Variants in TBC1D2B observed in about 807,000 individuals in gnomAD.
TBC1D2B encodes the protein TBC1 domain family member 2B, also known as TBC1 domain family, member 2B.
TBC1D2B carries 64 observed loss-of-function variants against 100.8 expected under a neutral mutation model. That is an observed-to-expected ratio of 0.64 (90% CI 0.52 to 0.78). The LOEUF (loss-of-function observed/expected upper bound fraction) is 0.78, where lower values mean the gene tolerates loss of function less well. Ranked by LOEUF, TBC1D2B falls within the 30% of genes least tolerant of loss-of-function variation. The probability of loss-of-function intolerance (pLI) is 0.00; values close to 1 mark genes in which losing one functional copy is unlikely to be tolerated. For missense variants in TBC1D2B, 1,052 were observed against 1,218.4 expected (o/e 0.86, Z 2.03); for synonymous variants, 480 against 479.7 (o/e 1.00, Z -0.01).
chr15:78,025,697 T>C, intron 4 of TBC1D2B, 200 bp from the exon 5 acceptor site: 1 of 350,912 alleles, frequency 2.8e-6, no homozygotes, highest in Non-Finnish European at 5.2e-6. Context: ...TGGCTAATTT[T>C]TTGTATTTTC....
intron 3 of TBC1D2B, among the ~76,000 whole-genome samples, chr15:78,040,136 C>T (rs879850616): frequency 6.6e-6 from 1 of 152,108 alleles, no homozygotes; most frequent in Non-Finnish European, 1.5e-5. Flanking sequence ...CTCAGGCATG[C>T]GCTTTCTCAC....
At chr15:78,059,095 A>T (rs910593588) in intron 1 of TBC1D2B, among the ~76,000 whole-genome samples, 2 of 152,118 alleles carry the variant, frequency 1.3e-5, no homozygotes, top group Non-Finnish European at 2.9e-5. Flanking sequence ...TGCAAAGGCC[A>T]CCTCTTCAGA....
chr15:78,036,314 A>G (rs2141737977), intron 3 of TBC1D2B, among the ~76,000 whole-genome samples: 2 of 152,340 alleles, frequency 1.3e-5, no homozygotes, highest in Middle Eastern at 3.4e-3. Context: ...CAAATGGGGA[A>G]GCTGTCAGGT....
chr15:78,037,305 C>G (rs2072967122), intron 3 of TBC1D2B, among the ~76,000 whole-genome samples: 1 of 152,170 alleles, frequency 6.6e-6, no homozygotes. Flanking sequence ...GCATGGGTGT[C>G]CTTGCACTTG....
intron 2 of TBC1D2B, among the ~76,000 whole-genome samples, chr15:78,046,321 G>A (rs780789753): frequency 5.3e-5 from 8 of 152,126 alleles, no homozygotes; most frequent in Admixed American, 2.6e-4. Context: ...ATCCCATGCC[G>A]AATGGCATAA....
chr15:78,061,113 A>T (rs929917131), intron 1 of TBC1D2B, among the ~76,000 whole-genome samples: 1 of 150,876 alleles, frequency 6.6e-6, no homozygotes, highest in African/African-American at 2.4e-5. Flanking sequence ...GTGTGGTGGC[A>T]CACTCCTGTA....
intron 8 of TBC1D2B, 61 bp from the exon 9 acceptor site, chr15:78,013,378 C>A: frequency 6.9e-7 from 1 of 1,448,602 alleles, no homozygotes; most frequent in Non-Finnish European, 9.2e-7. Context: ...AAGACCAATG[C>A]AACAGAAATA....
intron 1 of TBC1D2B, among the ~76,000 whole-genome samples, chr15:78,075,215 T>G (rs2073810008): frequency 6.6e-6 from 1 of 152,236 alleles, no homozygotes; most frequent in African/African-American, 2.4e-5. Flanking sequence ...TTTAATTTTT[T>G]TTGAGATGGA....
intron 3 of TBC1D2B, among the ~76,000 whole-genome samples, chr15:78,038,303 C>T (rs1453140296): frequency 1.3e-5 from 2 of 152,148 alleles, no homozygotes; most frequent in Admixed American, 1.3e-4. Flanking sequence ...ACAGAAACTA[C>T]AGGGCTATGA....
intron 1 of TBC1D2B, among the ~76,000 whole-genome samples, chr15:78,075,230 C>T (rs1402574298): frequency 6.6e-6 from 1 of 151,758 alleles, no homozygotes; most frequent in Non-Finnish European, 1.5e-5. Context: ...GATGGAGTCT[C>T]ACTCTGTCAC....
At position 78,064,836 on chromosome 15, in the gene TBC1D2B, T is replaced by C. The variant is rs375284356; in HGVS notation, c.361-10649A>G. 1.9e-3 allele frequency among the ~76,000 whole-genome samples: 292 copies of C among 152,204 alleles called. 13 individuals carry two copies. In the South Asian group the frequency reaches 0.057, roughly 30 times the overall value. On this transcript the variant is annotated intron_variant, in intron 1 of 12. Coordinates refer to ENST00000300584, the MANE Select transcript of TBC1D2B (RefSeq NM_144572.2). Reference sequence around the variant, plus strand: ...CAGCAACAGAGACTAAGAAGGCAAATACTGGATCTCCTGGCTCCTTGGAAA... The same window carrying C: ...CAGCAACAGAGACTAAGAAGGCAAACACTGGATCTCCTGGCTCCTTGGAAA...
rs773080972 is a variant in TBC1D2B, at chr15:78,012,950, G to A, written c.2143C>T (p.Leu715=). Residue 715 remains leucine, a synonymous_variant, in exon 9 of 13, where the codon CTG becomes TTG. Coordinates refer to ENST00000300584, the MANE Select transcript of TBC1D2B (RefSeq NM_144572.2). ...TGTTTGTTGTTGGGCAGAGTTCGCAGCAAGTCCAGCTCAATCTGCTTGGAG... is the reference window on the plus strand; with the variant it reads ...TGTTTGTTGTTGGGCAGAGTTCGCAACAAGTCCAGCTCAATCTGCTTGGAG... ...PASKQIELDL[L]RTLPNNKHYS... The A allele has an allele frequency of 7.9e-5, 124 of 1,568,474 alleles. 1 individual carries two copies. The Middle Eastern group carries it at 2.9e-3, about 37-fold the overall frequency.
chr15:78,032,658 C>A (rs963697032), intron 3 of TBC1D2B, among the ~76,000 whole-genome samples: 1 of 147,280 alleles, frequency 6.8e-6, no homozygotes. Context: ...ATCTTAGAGA[C>A]ATAGAAAATT....
rs762151053 is a variant in TBC1D2B, at chr15:77,998,267, G to A, written c.2785C>T (p.Arg929Trp). ...NRRAYHLEKVRLELTELEAIR... is the reference protein window; with the variant it reads ...NRRAYHLEKVWLELTELEAIR... ...GCCTCCAGCTCGGTCAGCTCCAGCC[G>A]GACTTTCTCCAAGTGGTAGGCGCGT... is the stretch of plus-strand genomic sequence containing the variant. Residue 929 changes from arginine to tryptophan, a missense_variant, in exon 13 of 13, where the codon CGG (arginine) becomes TGG (tryptophan). This residue lies in a region of TBC1D2B where 47 missense variants were observed against 88.3 expected (regional missense o/e 0.53). Transcript: ENST00000300584. The A allele has an allele frequency of 2.1e-5, 34 of 1,602,452 alleles. No individual in the cohort carries two copies. The highest frequency in any genetic ancestry group is 4.5e-5 in the East Asian group (2 of 44,234).
In TBC1D2B at chr15:78,000,550, G is replaced by A. The variant is rs369793681; in HGVS notation, c.2696+1069C>T. Among the ~76,000 whole-genome samples, 10 of 152,360 alleles carry A rather than the reference G, an allele frequency of 6.6e-5. No individual in the cohort carries two copies. The East Asian group carries it at 7.7e-4, about 12-fold the overall frequency. The stretch of plus-strand genomic sequence containing the variant: ...ATCCCTCCTCATTTGGCAGAAATCA[G>A]GGCACTGTTGTTGGTGCTATTAGTA... On this transcript the variant is annotated intron_variant, in intron 12 of 12. Coordinates refer to ENST00000300584, the MANE Select transcript of TBC1D2B (RefSeq NM_144572.2).
intron 3 of TBC1D2B, among the ~76,000 whole-genome samples, chr15:78,037,417 AAAG>A (rs2072970146): frequency 6.6e-6 from 1 of 152,222 alleles, no homozygotes; most frequent in Admixed American, 6.5e-5. Context: ...CCCACACTGC[AAAG>A]AATAAGCACT....
intron 5 of TBC1D2B, 44 bp from the exon 6 acceptor site, chr15:78,024,583 G>A: frequency 1.3e-6 from 2 of 1,530,054 alleles, no homozygotes; most frequent in Non-Finnish European, 1.8e-6. Context: ...AAAAGAGCAA[G>A]GAGAGGAGGA....
Position 78,077,541 on chromosome 15 carries a change from A to T in TBC1D2B, c.112T>A (p.Cys38Ser). ...AGPAREPARL[C>S]GYLQKLSGKG... ...CCCGACAGCTTCTGCAGATAGCCAC[A>T]CAGCCGCGCTGGCTCCCGCGCCGGA... is the stretch of plus-strand genomic sequence containing the variant. The change falls in exon 1 of 13, where the codon TGT (cysteine) becomes AGT (serine). Residue 38 changes from cysteine to serine, a missense_variant. This residue lies in a region of TBC1D2B where 627 missense variants were observed against 646.1 expected (regional missense o/e 0.97). Transcript: ENST00000300584. The T allele has an allele frequency of 6.7e-7, 1 of 1,487,878 alleles. No homozygotes were observed. Among genetic ancestry groups the T allele is most frequent in the Non-Finnish European group, 8.9e-7 (1 of 1,117,464 alleles). The allele number at this position is 1,487,878 out of a possible 1,614,324, so 92.2% of individuals were successfully genotyped here. A position where few individuals can be genotyped will look rare whatever the true frequency, so the allele number is the denominator to read the frequency against.
At chr15:78,058,655 A>C (rs2073477948) in intron 1 of TBC1D2B, among the ~76,000 whole-genome samples, 1 of 152,212 alleles carries the variant, frequency 6.6e-6, no homozygotes, top group Non-Finnish European at 1.5e-5. Context: ...AACGGCCAGG[A>C]CCACACAGCA....
Sources: gnomAD v4.1 joint callset for allele counts (sites outside exome capture counted in the v4.1 genomes callset) on GRCh38, gnomAD v4.1.1 for gene constraint, gnomAD v4.1.1 regional missense constraint, MANE v1.5 for transcripts, NCBI Gene and HGNC (gene_info 2026-07-23, HGNC 2026-07-21) for gene names.